SNX19: variants seen among roughly 807,000 people sequenced by gnomAD.
SNX19 encodes the protein sorting nexin-19.
In SNX19, 60 loss-of-function variants were observed where a neutral mutation model predicts 85.2. The observed-to-expected ratio is 0.70, with a 90% CI of 0.57 to 0.87. The LOEUF (loss-of-function observed/expected upper bound fraction) is 0.87. SNX19 is among the 40% of genes least tolerant of loss of function. The pLI is 0.00. For synonymous variants in SNX19, 520 were observed against 470.0 expected (o/e 1.11, Z -1.38); for missense variants, 1,201 against 1,217.8 (o/e 0.99, Z 0.21).
intron 8 of SNX19, among the ~76,000 whole-genome samples, chr11:130,887,375 C>T (rs1592293240): frequency 6.6e-6 from 1 of 152,152 alleles, no homozygotes; most frequent in African/African-American, 2.4e-5. Flanking sequence ...CATCAAGTGG[C>T]TTATAAGAAC....
At chr11:130,885,894 C>A (rs1057028555) in intron 8 of SNX19, among the ~76,000 whole-genome samples, 5 of 152,178 alleles carry the variant, frequency 3.3e-5, no homozygotes, top group African/African-American at 7.2e-5. Flanking sequence ...ACCCTGAGAG[C>A]AGGGTTTTCA....
At chr11:130,888,402 G>T (rs985878804) in intron 8 of SNX19, among the ~76,000 whole-genome samples, 2 of 151,944 alleles carry the variant, frequency 1.3e-5, no homozygotes, top group African/African-American at 4.8e-5. Flanking sequence ...AATACCCTTG[G>T]GCTAAAGACA....
chr11:130,895,274 G>A, intron 8 of SNX19: 1 of 983,108 alleles, frequency 1.0e-6, no homozygotes, highest in African/African-American at 1.7e-5. Flanking sequence ...GAAGATCTGG[G>A]TATGCCCTGT....
At chr11:130,895,029 C>T (rs1944780051) in intron 8 of SNX19, 1 of 985,268 alleles carries the variant, frequency 1.0e-6, no homozygotes, top group Admixed American at 6.1e-5. Flanking sequence ...ACTTCAAAGT[C>T]CAAGTTCTTG....
chr11:130,907,906 A>G, intron 5 of SNX19, 47 bp downstream of exon 5: 10 of 1,607,124 alleles, frequency 6.2e-6, no homozygotes, highest in Non-Finnish European at 8.5e-6. Flanking sequence ...ATTGGGGATC[A>G]ATTTGAGAAC....
In SNX19 at chr11:130,914,464, G is replaced by C. The variant is rs1365770716; in HGVS notation, c.1476C>G (p.Ser492Arg). The C allele has an allele frequency of 1.9e-6, 3 of 1,613,718 alleles. No individual in the cohort carries two copies. The highest frequency in any genetic ancestry group is 1.7e-5 in the Admixed American group (1 of 59,996). Residue 492 changes from serine (S) to arginine (R), a missense_variant, in exon 1 of 11, where the codon AGC (serine) becomes AGG (arginine). Physicochemically the swap from Ser to Arg is moderately radical, Grantham distance 110 (BLOSUM62 -1). This residue lies in a region of SNX19 where 791 missense variants were observed against 750.9 expected (regional missense o/e 1.05). Coordinates refer to ENST00000265909, the MANE Select transcript of SNX19 (RefSeq NM_014758.3). ...CLEKDLTNDV[S>R]SLDPTLPPVL... is the part of the protein sequence containing the mutation. Reference sequence around the variant, plus strand: ...CTGGTGGCAGAGTAGGATCAAGGGAGCTCACATCATTGGTGAGATCCTTCT... The same window carrying C: ...CTGGTGGCAGAGTAGGATCAAGGGACCTCACATCATTGGTGAGATCCTTCT...
intron 4 of SNX19, among the ~76,000 whole-genome samples, chr11:130,909,783 T>TA (rs1208545137): frequency 6.6e-6 from 1 of 152,186 alleles, no homozygotes; most frequent in African/African-American, 2.4e-5. Context: ...TGTGTACACT[T>TA]AAGAGTGTTG....
In SNX19 at chr11:130,915,581, GA is replaced by G; in HGVS notation, c.358del (p.Ser120ProfsTer2). On this transcript the variant is annotated frameshift_variant, in exon 1 of 11. Transcript: ENST00000265909. LOFTEE classifies it high-confidence loss of function. ...CTCAAAGGCTGGCTCCTGGCTCACG[GA>G]ACGGTACCAAGATAACACAAAATCT... ...IRDFVLSWYR[S>X]VSQEPAFEEE... 2 of 1,614,238 alleles carry G rather than the reference GA, an allele frequency of 1.2e-6. No individual in the cohort carries two copies. Among genetic ancestry groups the G allele is most frequent in the Non-Finnish European group, 1.7e-6 (2 of 1,180,034 alleles).
chr11:130,910,275 G>A lies in SNX19; in HGVS notation c.1909C>T (p.Leu637=). The A allele has an allele frequency of 6.2e-7, 1 of 1,613,484 alleles. No individual in the cohort carries two copies. Residue 637 remains leucine, a synonymous_variant, in exon 3 of 11, where the codon CTA becomes TTA. Coordinates refer to ENST00000265909, the MANE Select transcript of SNX19 (RefSeq NM_014758.3). ...CAAAAGAGAAGGATGCTGACCTTTA[G>A]GAATGATTCTAGGAGGCTCTTACGG... The part of the protein sequence containing the change: ...EARKSLLESF[L]KQLCAIPEIA...
chr11:130,893,534 TC>T (rs1423001917), intron 8 of SNX19, among the ~76,000 whole-genome samples: 1 of 152,074 alleles, frequency 6.6e-6, no homozygotes, highest in African/African-American at 2.4e-5. Flanking sequence ...CAAAAGTATT[TC>T]CAGTTCCCTG....
intron 8 of SNX19, among the ~76,000 whole-genome samples, chr11:130,889,889 T>C (rs976714667): frequency 2.0e-5 from 3 of 152,184 alleles, no homozygotes; most frequent in Admixed American, 6.5e-5. Context: ...TCATTCTCTG[T>C]TTTCATTTTT....
chr11:130,906,191 C>A (rs908741995), intron 6 of SNX19, 58 bp from the exon 7 acceptor site: 23 of 1,558,472 alleles, frequency 1.5e-5, no homozygotes, highest in Non-Finnish European at 2.0e-5. Flanking sequence ...GGAGCAAATG[C>A]AGCACTCTAG....
chr11:130,904,961 C>T (rs1341750430), intron 7 of SNX19, among the ~76,000 whole-genome samples: 1 of 150,936 alleles, frequency 6.6e-6, no homozygotes, highest in Non-Finnish European at 1.5e-5. Flanking sequence ...CCATTTTTCA[C>T]AGACTTAAAT....
intron 8 of SNX19, among the ~76,000 whole-genome samples, chr11:130,890,967 A>G (rs1056959628): frequency 6.6e-6 from 1 of 151,330 alleles, no homozygotes; most frequent in African/African-American, 2.4e-5. Flanking sequence ...ATTGGTTACT[A>G]AGTGAATTCA....
At position 130,878,597 on chromosome 11, in the gene SNX19, GA is replaced by G. The variant is rs1943418971; in HGVS notation, c.2847-44del. On this transcript the variant is annotated intron_variant, in intron 10 of 10. Coordinates refer to ENST00000265909, the MANE Select transcript of SNX19 (RefSeq NM_014758.3). ...AAAACTTAGGGTCTGGCTCAATCAG[GA>G]AACACAAGATCCTGTTTATGACATT... is the stretch of plus-strand genomic sequence containing the variant. 1.9e-6 allele frequency: 3 copies of G among 1,596,494 alleles called. No homozygotes were observed. In the South Asian group the frequency reaches 3.4e-5, roughly 18 times the overall value.
At chr11:130,912,159 T>C (rs1946177030) in intron 1 of SNX19, among the ~76,000 whole-genome samples, 1 of 152,180 alleles carries the variant, frequency 6.6e-6, no homozygotes, top group African/African-American at 2.4e-5. Context: ...CATTATACTC[T>C]CCCGTGATTA....
Position 130,868,383 on chromosome 11 carries a change from T to A in SNX19, c.*10039A>T, listed in dbSNP as rs1942865348. 6.6e-6 allele frequency: 1 copy of A among 152,124 alleles called. No individual in the cohort carries two copies. Among genetic ancestry groups the A allele is most frequent in the African/African-American group, 2.4e-5 (1 of 41,422 alleles). The allele number at this position is 152,124 out of a possible 1,614,324, so 9.4% of individuals were successfully genotyped here. On this transcript the variant is annotated 3_prime_UTR_variant, in exon 11 of 11. Coordinates refer to ENST00000265909, the MANE Select transcript of SNX19 (RefSeq NM_014758.3). ...GCAACACCCTTCTTGAGCCCGTAATTTATCAGATTTTTTTTCCTGTGGCGA... is the reference window on the plus strand; with the variant it reads ...GCAACACCCTTCTTGAGCCCGTAATATATCAGATTTTTTTTCCTGTGGCGA...
chr11:130,895,905 A>C (rs977373869), intron 8 of SNX19, among the ~76,000 whole-genome samples: 3 of 152,220 alleles, frequency 2.0e-5, no homozygotes. Flanking sequence ...CTCATATGAC[A>C]GGGGAAACTG....
At chr11:130,898,203 A>C (rs1302794138) in intron 8 of SNX19, among the ~76,000 whole-genome samples, 1 of 151,934 alleles carries the variant, frequency 6.6e-6, no homozygotes, top group Non-Finnish European at 1.5e-5. Context: ...ATTTGACAGA[A>C]GTCTATGGCG....
Sources: allele counts gnomAD v4.1 joint callset (sites outside exome capture counted in the v4.1 genomes callset), GRCh38; gene constraint gnomAD v4.1.1; regional missense constraint gnomAD v4.1.1; transcripts MANE v1.5; gene names NCBI Gene and HGNC (gene_info 2026-07-23, HGNC 2026-07-21).